Variants in PTPRM observed in about 807,000 individuals in gnomAD.
PTPRM encodes the protein receptor-type tyrosine-protein phosphatase mu.
A neutral mutation model predicts 186.7 loss-of-function variants in PTPRM; 47 were observed. The observed-to-expected ratio is 0.25, with a 90% CI of 0.20 to 0.32. The LOEUF is 0.32. PTPRM is among the 10% of genes least tolerant of loss of function. PTPRM has a pLI of 1.00. For missense variants in PTPRM, 1,494 were observed against 1,865.0 expected, an observed-to-expected ratio of 0.80 and a Z score of 3.66; for synonymous variants, 668 against 674.9, an observed-to-expected ratio of 0.99 and a Z score of 0.16.
intron 3 of PTPRM, among the ~76,000 whole-genome samples, chr18:7,898,263 A>C: frequency 6.6e-6 from 1 of 152,208 alleles, no homozygotes; most frequent in South Asian, 2.1e-4. Context: ...AGACTAGGTA[A>C]TGTGTGGGAG....
intron 11 of PTPRM, among the ~76,000 whole-genome samples, chr18:8,109,514 A>G (rs180685669): frequency 1.6e-4 from 25 of 152,318 alleles, no homozygotes; most frequent in African/African-American, 5.5e-4. Flanking sequence ...AGTAGAGTGT[A>G]TAATAGAACC....
chr18:8,288,207 C>G (rs953134248), intron 19 of PTPRM, among the ~76,000 whole-genome samples: 4 of 152,222 alleles, frequency 2.6e-5, no homozygotes, highest in African/African-American at 9.6e-5. Context: ...CAGGCTTTGA[C>G]TTCCAAACTG....
intron 2 of PTPRM, chr18:7,814,311 A>G (rs868602485): frequency 2.0e-5 from 3 of 152,260 alleles, no homozygotes; most frequent in African/African-American, 4.8e-5. Flanking sequence ...CTCGTTAAGC[A>G]CATAGGTGGT....
At chr18:7,680,106 T>C (rs1186386338) in intron 1 of PTPRM, among the ~76,000 whole-genome samples, 1 of 152,144 alleles carries the variant, frequency 6.6e-6, no homozygotes, top group Non-Finnish European at 1.5e-5. Flanking sequence ...ACTCAAGCAA[T>C]ATACCTACCT....
At chr18:7,919,219 G>A (rs2120320) in intron 4 of PTPRM, among the ~76,000 whole-genome samples, 40,813 of 151,994 alleles carry the variant, frequency 0.27, 5,859 homozygotes, top group East Asian at 0.44. Context: ...TTTGAAATCA[G>A]GTAGTATATG....
chr18:7,858,555 T>A (rs2146018001), intron 2 of PTPRM, among the ~76,000 whole-genome samples: 1 of 152,322 alleles, frequency 6.6e-6, no homozygotes, highest in African/African-American at 2.4e-5. Context: ...AGACCCTGTC[T>A]TTTAGAAAAC....
intron 15 of PTPRM, 98 bp downstream of exon 15, chr18:8,244,307 AG>A: frequency 8.1e-7 from 1 of 1,235,662 alleles, no homozygotes; most frequent in Non-Finnish European, 1.1e-6. Context: ...AGCTTCCTGA[AG>A]AAATTTTTAT....
Position 7,811,375 on chromosome 18 carries a change from C to T in PTPRM, c.196+37104C>T, listed in dbSNP as rs187336451. On this transcript the variant is annotated intron_variant, in intron 2 of 32. Transcript: ENST00000580170. The stretch of plus-strand genomic sequence containing the variant: ...GGAGACTCAAACTCTCTCCCCACCC[C>T]GAGATGGAGTCTTCCTCTGCTGCTT... 8.9e-4 allele frequency among the ~76,000 whole-genome samples: 135 copies of T among 152,278 alleles called. 1 individual carries two copies. Among genetic ancestry groups the T allele is most frequent in the South Asian group, 6.4e-3 (31 of 4,818 alleles).
At chr18:7,958,764 G>T (rs2053481611) in intron 7 of PTPRM, among the ~76,000 whole-genome samples, 1 of 152,118 alleles carries the variant, frequency 6.6e-6, no homozygotes, top group Non-Finnish European at 1.5e-5. Flanking sequence ...GGGCAGTGAA[G>T]GTCTGCTATT....
At chr18:7,915,321 A>G (rs1272181565) in intron 4 of PTPRM, among the ~76,000 whole-genome samples, 1 of 152,178 alleles carries the variant, frequency 6.6e-6, no homozygotes. Flanking sequence ...AAGGGTATCC[A>G]GGAGACAAGT....
intron 20 of PTPRM, 82 bp downstream of exon 20, chr18:8,296,537 G>A: frequency 1.0e-6 from 1 of 982,792 alleles, no homozygotes; most frequent in Admixed American, 1.8e-5. Context: ...TCATACAGAG[G>A]AAATTTACAG....
At chr18:7,834,491 T>TACACACACACACACATACACACACAC (rs1555613408) in intron 2 of PTPRM, among the ~76,000 whole-genome samples, 3 of 84,606 alleles carry the variant, frequency 3.5e-5, no homozygotes, top group East Asian at 3.1e-4. Flanking sequence ...TATACAAGTA[T>TACACACACACACACATACACACACAC]ACACACACAC....
chr18:8,364,349 A>G (rs1363583576), intron 23 of PTPRM, among the ~76,000 whole-genome samples: 3 of 152,158 alleles, frequency 2.0e-5, no homozygotes, highest in African/African-American at 7.2e-5. Context: ...GAGAAGACTG[A>G]GGCTCAGGGG....
At position 7,567,923 on chromosome 18, in the gene PTPRM, C is replaced by CGCGCGGGCCG; in HGVS notation, c.73+40_73+49dup. On this transcript the variant is annotated intron_variant, in intron 1 of 32. Transcript: ENST00000580170. This position sits in a 1 kb window ranked among gnomAD's most constrained non-coding sequence, Gnocchi z 4.3. ...GGGACCGCCTCTGCCGCCCCCGAGGCGCGCGGGCCGGCGCGGGACGCCCGG... is the reference window on the plus strand; with the variant it reads ...GGGACCGCCTCTGCCGCCCCCGAGGCGCGCGGGCCGGCGCGGGCCGGCGCGGGACGCCCGG... 6.5e-7 allele frequency: 1 copy of CGCGCGGGCCG among 1,531,510 alleles called. No individual in the cohort carries two copies. The allele number at this position is 1,531,510 out of a possible 1,614,324, so 94.9% of individuals were successfully genotyped here.
chr18:7,574,348 C>A (rs762045387), intron 1 of PTPRM, among the ~76,000 whole-genome samples: 3 of 152,066 alleles, frequency 2.0e-5, no homozygotes, highest in Non-Finnish European at 4.4e-5. Context: ...TAATGGTTAG[C>A]CATTGGAAAT....
intron 5 of PTPRM, among the ~76,000 whole-genome samples, chr18:7,935,193 G>A (rs1170035259): frequency 2.6e-5 from 4 of 152,094 alleles, no homozygotes; most frequent in Non-Finnish European, 4.4e-5. Context: ...ACATCACTTA[G>A]CATTCCAGAA....
intron 7 of PTPRM, among the ~76,000 whole-genome samples, chr18:8,067,209 T>C (rs940932871): frequency 6.6e-6 from 1 of 152,156 alleles, no homozygotes; most frequent in Non-Finnish European, 1.5e-5. Context: ...CTGGGATTAA[T>C]AAGGAAAAGG....
intron 2 of PTPRM, among the ~76,000 whole-genome samples, chr18:7,794,839 T>G (rs1250686373): frequency 6.6e-6 from 1 of 152,152 alleles, no homozygotes; most frequent in Non-Finnish European, 1.5e-5. Flanking sequence ...AGAATTGAAA[T>G]GGACTCTTGG....
intron 21 of PTPRM, among the ~76,000 whole-genome samples, chr18:8,317,513 C>G (rs112792650): frequency 1.4e-3 from 209 of 152,190 alleles, no homozygotes; most frequent in African/African-American, 4.7e-3. Flanking sequence ...AGTGTACAGA[C>G]GAGCTTGAAG....
Sources: gnomAD v4.1 joint callset for allele counts (sites outside exome capture counted in the v4.1 genomes callset) on GRCh38, gnomAD v4.1.1 for gene constraint, Gnocchi (gnomAD v3.1) non-coding constraint, MANE v1.5 for transcripts, NCBI Gene and HGNC (gene_info 2026-07-23, HGNC 2026-07-21) for gene names.